TENM3: variants seen among roughly 807,000 people sequenced by gnomAD.
The protein encoded by TENM3 is teneurin-3.
Under a neutral mutation model 255.1 loss-of-function variants are expected in TENM3, and 63 were observed. The observed-to-expected ratio is 0.25, with a 90% CI of 0.20 to 0.30. The LOEUF (loss-of-function observed/expected upper bound fraction) is 0.30, where lower values mean the gene tolerates loss of function less well. TENM3 is among the 10% of genes least tolerant of loss of function. The probability of loss-of-function intolerance (pLI) is 1.00; values close to 1 mark genes in which losing one functional copy is unlikely to be tolerated. For missense variants in TENM3, 2,929 were observed against 3,461.1 expected (o/e 0.85, Z 3.86); for synonymous variants, 1,306 against 1,322.3 (o/e 0.99, Z 0.27).
At chr4:181,609,047 GC>G in the TENM3 span, among the ~76,000 whole-genome samples, 2 of 152,050 alleles carry the variant, frequency 1.3e-5, no homozygotes, top group African/African-American at 2.4e-5. Flanking sequence ...CTTCATTCCT[GC>G]TTTTTGTGCA....
the TENM3 span, among the ~76,000 whole-genome samples, chr4:181,514,720 T>C: frequency 1.3e-5 from 2 of 152,294 alleles, no homozygotes; most frequent in Non-Finnish European, 2.9e-5. Context: ...AACAAAACCA[T>C]CTGCTTAGAA....
chr4:182,576,232 C>G (rs1447181185), intron 3 of TENM3, among the ~76,000 whole-genome samples: 1 of 152,042 alleles, frequency 6.6e-6, no homozygotes, highest in Non-Finnish European at 1.5e-5. Context: ...TTTCCTTCTG[C>G]TTTGAGTGGC....
At chr4:182,419,836 C>T (rs1051643149) in intron 3 of TENM3, among the ~76,000 whole-genome samples, 1 of 121,694 alleles carries the variant, frequency 8.2e-6, no homozygotes, top group Non-Finnish European at 1.6e-5. Context: ...CACTTGGACA[C>T]GGGGTGAGGA....
At chr4:181,712,592 G>A in the TENM3 span, among the ~76,000 whole-genome samples, 1 of 152,094 alleles carries the variant, frequency 6.6e-6, no homozygotes, top group African/African-American at 2.4e-5. Context: ...ATATAGCAAT[G>A]AGAGAATAAA....
chr4:182,732,352 A>G (rs1760834093), intron 16 of TENM3, among the ~76,000 whole-genome samples: 1 of 152,212 alleles, frequency 6.6e-6, no homozygotes, highest in South Asian at 2.1e-4. Flanking sequence ...TGTTGTCAGT[A>G]AAAAGTGTTT....
chr4:182,028,255 A>T, the TENM3 span, among the ~76,000 whole-genome samples: 1 of 152,122 alleles, frequency 6.6e-6, no homozygotes, highest in Non-Finnish European at 1.5e-5. Flanking sequence ...GTTTATTGGT[A>T]TATACTTGCT....
chr4:182,118,556 C>T, the TENM3 span, among the ~76,000 whole-genome samples: 1 of 151,990 alleles, frequency 6.6e-6, no homozygotes, highest in Non-Finnish European at 1.5e-5. Context: ...GCTAGGATTA[C>T]AGGCATGAGC....
the TENM3 span, among the ~76,000 whole-genome samples, chr4:182,129,112 C>T: frequency 3.4e-4 from 52 of 152,288 alleles, no homozygotes; most frequent in Admixed American, 1.5e-3. Flanking sequence ...AGACAGCTAG[C>T]GCTGTGCAAA....
At chr4:182,276,288 T>G (rs972028836) in intron 1 of TENM3, among the ~76,000 whole-genome samples, 1 of 152,216 alleles carries the variant, frequency 6.6e-6, no homozygotes, top group African/African-American at 2.4e-5. Flanking sequence ...TCATTGACCT[T>G]TTATCACGTG....
chr4:182,279,833 C>A (rs1760257710), intron 1 of TENM3, among the ~76,000 whole-genome samples: 1 of 152,146 alleles, frequency 6.6e-6, no homozygotes, highest in Non-Finnish European at 1.5e-5. Context: ...CTGTAGAATA[C>A]TTTTGCATTT....
chr4:182,335,931 G>A (rs34900572), intron 2 of TENM3, among the ~76,000 whole-genome samples: 1 of 151,916 alleles, frequency 6.6e-6, no homozygotes, highest in African/African-American at 2.4e-5. Flanking sequence ...GAGAATCGAT[G>A]TTCCTATTAG....
chr4:182,355,106 TGTTGCC>T (rs1765431108), intron 3 of TENM3, among the ~76,000 whole-genome samples: 1 of 152,174 alleles, frequency 6.6e-6, no homozygotes, highest in Admixed American at 6.5e-5. Context: ...CAGAGCCGAT[TGTTGCC>T]AACAGAGACT....
chr4:181,902,696 C>A, the TENM3 span, among the ~76,000 whole-genome samples: 1 of 151,982 alleles, frequency 6.6e-6, no homozygotes, highest in East Asian at 1.9e-4. Flanking sequence ...ACCACATATT[C>A]TCACTCATAA....
chr4:182,113,486 A>G, the TENM3 span, among the ~76,000 whole-genome samples: 1 of 152,182 alleles, frequency 6.6e-6, no homozygotes, highest in Non-Finnish European at 1.5e-5. Flanking sequence ...ACCTGAGATA[A>G]TTGAGAGTTG....
chr4:182,439,167 G>A (rs1383562574), intron 3 of TENM3, among the ~76,000 whole-genome samples: 1 of 152,212 alleles, frequency 6.6e-6, no homozygotes, highest in African/African-American at 2.4e-5. Context: ...TGTGAAGTTT[G>A]TTATCACTCT....
chr4:182,145,104 G>C (rs905027811), intron 1 of TENM3: 2 of 152,262 alleles, frequency 1.3e-5, no homozygotes, highest in Admixed American at 1.3e-4. Context: ...AGCCCGCCAG[G>C]TCCTCTTCGG....
chr4:181,978,241 G>A, the TENM3 span, among the ~76,000 whole-genome samples: 3 of 152,206 alleles, frequency 2.0e-5, no homozygotes, highest in East Asian at 3.9e-4. Context: ...GGTGGGAACC[G>A]AGGCACAGAG....
At chr4:182,154,033 CAAT>C (rs1308114654) in intron 1 of TENM3, among the ~76,000 whole-genome samples, 1 of 151,960 alleles carries the variant, frequency 6.6e-6, no homozygotes, top group Non-Finnish European at 1.5e-5. Flanking sequence ...TTTTGAAAAA[CAAT>C]GATACCTTCT....
chr4:182,305,470 G>A (rs1287626477), intron 1 of TENM3, among the ~76,000 whole-genome samples: 1 of 152,194 alleles, frequency 6.6e-6, no homozygotes, highest in Admixed American at 6.5e-5. Flanking sequence ...AGAAAACTAG[G>A]TGTAGTCAGA....
Sources: allele counts gnomAD v4.1 joint callset (sites outside exome capture counted in the v4.1 genomes callset), GRCh38; gene constraint gnomAD v4.1.1; transcripts MANE v1.5; gene names NCBI Gene and HGNC (gene_info 2026-07-23, HGNC 2026-07-21).